The following RSPO2 variants were observed in gnomAD, a reference collection of about 807,000 sequenced individuals.
RSPO2 encodes R-spondin 2.
A neutral mutation model predicts 30.9 loss-of-function variants in RSPO2; 14 were observed. The ratio of observed to expected loss-of-function variants is 0.45; its 90% CI spans 0.30 to 0.71. RSPO2 has a LOEUF of 0.71. RSPO2 is among the 30% of genes least tolerant of loss of function. The probability of loss-of-function intolerance (pLI) is 0.08; values close to 1 mark genes in which losing one functional copy is unlikely to be tolerated. For missense variants in RSPO2, 264 were observed against 301.9 expected (o/e 0.87, Z 0.93); for synonymous variants, 107 against 96.4 (o/e 1.11, Z -0.64).
intron 2 of RSPO2, among the ~76,000 whole-genome samples, chr8:108,046,358 A>T (rs951869381): frequency 1.3e-5 from 2 of 152,166 alleles, no homozygotes; most frequent in African/African-American, 4.8e-5. Context: ...CACCACATAC[A>T]CCATGAAACA....
chr8:107,967,472 AT>A (rs1031838749), intron 3 of RSPO2, among the ~76,000 whole-genome samples: 3 of 152,056 alleles, frequency 2.0e-5, no homozygotes, highest in South Asian at 2.1e-4. Flanking sequence ...CTAAAATTAC[AT>A]TTTTTTGTAA....
chr8:107,941,096 A>C (rs1256491419), intron 5 of RSPO2, among the ~76,000 whole-genome samples: 1 of 152,120 alleles, frequency 6.6e-6, no homozygotes, highest in Non-Finnish European at 1.5e-5. Context: ...ACCCCCCAAA[A>C]AAATGTATAG....
At chr8:107,989,310 G>A (rs2130525632) in intron 2 of RSPO2, 66 bp from the exon 3 acceptor site, 1 of 961,316 alleles carries the variant, frequency 1.0e-6, no homozygotes, top group East Asian at 2.8e-5. Flanking sequence ...AAATACACCT[G>A]CTGAAAAGAC....
intron 5 of RSPO2, among the ~76,000 whole-genome samples, chr8:107,945,253 T>TTTA (rs1161347868): frequency 7.6e-6 from 1 of 131,690 alleles, no homozygotes; most frequent in Non-Finnish European, 1.6e-5. Context: ...TTTTTTTTTT[T>TTTA]TTTTTTTTTT....
intron 2 of RSPO2, among the ~76,000 whole-genome samples, chr8:108,032,956 A>G (rs1207855902): frequency 6.8e-6 from 1 of 147,138 alleles, no homozygotes; most frequent in East Asian, 2.1e-4. Flanking sequence ...AGGCTAAGGC[A>G]GGAGAATGGC....
chr8:107,983,438 A>G, intron 3 of RSPO2: 1 of 1,597,874 alleles, frequency 6.3e-7, no homozygotes, highest in Non-Finnish European at 8.6e-7. Flanking sequence ...TCTGTAGAGG[A>G]TGCAGAGGGC....
chr8:107,982,292 C>CT (rs534842072), intron 3 of RSPO2, among the ~76,000 whole-genome samples: 51 of 152,194 alleles, frequency 3.4e-4, no homozygotes, highest in South Asian at 1.0e-3. Context: ...TTTACTCCTC[C>CT]TTTTTCCTTA....
At position 108,056,649 on chromosome 8, in the gene RSPO2, GAAAAGA is replaced by G. The variant is rs1262462909; in HGVS notation, c.94+25890_94+25895del. ...AAAAAAAAAAAAAAAAAAAAGAAAAGAAAAGAAAAAGAAAAAAGAAAACCAACACTA... is the reference window on the plus strand; with the variant it reads ...AAAAAAAAAAAAAAAAAAAAGAAAAGAAAAGAAAAAAGAAAACCAACACTA... On this transcript the variant is annotated intron_variant, in intron 2 of 5. Transcript: ENST00000276659. Among the ~76,000 whole-genome samples the G allele has an allele frequency of 8.1e-5, 11 of 136,324 alleles. No individual in the cohort carries two copies. In the East Asian group the frequency reaches 2.3e-3, roughly 29 times the overall value. 89.4% of individuals were successfully genotyped at this position (136,324 alleles called of 152,430 possible). A position where few individuals can be genotyped will look rare whatever the true frequency, so the allele number is the denominator to read the frequency against.
intron 3 of RSPO2, among the ~76,000 whole-genome samples, chr8:107,965,536 C>A (rs190895763): frequency 3.9e-5 from 6 of 152,222 alleles, no homozygotes; most frequent in Non-Finnish European, 5.9e-5. Flanking sequence ...CAGAGGGGTC[C>A]ACGTGGCACT....
chr8:107,971,952 T>G (rs1038432132), intron 3 of RSPO2, among the ~76,000 whole-genome samples: 1 of 152,178 alleles, frequency 6.6e-6, no homozygotes, highest in Non-Finnish European at 1.5e-5. Flanking sequence ...CCCAGATACC[T>G]ATGATAGTTC....
At chr8:108,008,963 TATA>T (rs1036836546) in intron 2 of RSPO2, among the ~76,000 whole-genome samples, 34 of 151,872 alleles carry the variant, frequency 2.2e-4, no homozygotes, top group African/African-American at 7.2e-4. Context: ...GAAGTAAAAA[TATA>T]ATAAGCTATT....
At chr8:108,016,226 T>G (rs992747157) in intron 2 of RSPO2, among the ~76,000 whole-genome samples, 10 of 152,194 alleles carry the variant, frequency 6.6e-5, no homozygotes, top group Admixed American at 5.2e-4. Context: ...TATCCTTTCT[T>G]GGTAAGCTAT....
At chr8:107,959,274 A>T (rs1306436814) in intron 4 of RSPO2, among the ~76,000 whole-genome samples, 1 of 152,220 alleles carries the variant, frequency 6.6e-6, no homozygotes, top group Non-Finnish European at 1.5e-5. Context: ...TTTGAAAAGT[A>T]AACAAATGTG....
intron 2 of RSPO2, among the ~76,000 whole-genome samples, chr8:108,026,793 G>A (rs11987385): frequency 0.014 from 2,123 of 152,064 alleles, 53 homozygotes; most frequent in African/African-American, 0.048. Context: ...TTGAACCCGG[G>A]AGACAGAGGT....
chr8:107,960,875 T>G (rs1813605907), intron 3 of RSPO2, 58 bp from the exon 4 acceptor site: 1 of 1,363,082 alleles, frequency 7.3e-7, no homozygotes, highest in African/African-American at 1.5e-5. Context: ...TTACTTGTTT[T>G]ACAAATAAAA....
At chr8:107,951,523 A>G (rs1037272711) in intron 5 of RSPO2, among the ~76,000 whole-genome samples, 4 of 152,170 alleles carry the variant, frequency 2.6e-5, no homozygotes, top group South Asian at 2.1e-4. Context: ...AATGTTTTAT[A>G]TATTTTATAT....
At chr8:108,063,264 T>C (rs1006944257) in intron 2 of RSPO2, among the ~76,000 whole-genome samples, 1 of 151,804 alleles carries the variant, frequency 6.6e-6, no homozygotes, top group Non-Finnish European at 1.5e-5. Flanking sequence ...GATGACATGA[T>C]TGTATATCTA....
intron 4 of RSPO2, among the ~76,000 whole-genome samples, chr8:107,959,069 C>A (rs928505593): frequency 6.6e-6 from 1 of 152,192 alleles, no homozygotes; most frequent in Non-Finnish European, 1.5e-5. Flanking sequence ...TATTTCCTGT[C>A]ATGACAGAAG....
intron 5 of RSPO2, among the ~76,000 whole-genome samples, chr8:107,923,172 G>T (rs1221441513): frequency 6.6e-6 from 1 of 152,048 alleles, no homozygotes; most frequent in Admixed American, 6.6e-5. Context: ...ATATTTGCAA[G>T]CATGCATCTG....
Sources: allele counts gnomAD v4.1 joint callset (sites outside exome capture counted in the v4.1 genomes callset), GRCh38; gene constraint gnomAD v4.1.1; transcripts MANE v1.5; gene names NCBI Gene and HGNC (gene_info 2026-07-23, HGNC 2026-07-21).